The following PAX3 variants were observed in gnomAD, a reference collection of about 807,000 sequenced individuals.
PAX3 encodes paired box protein Pax-3.
A neutral mutation model predicts 51.6 loss-of-function variants in PAX3; 14 were observed. The observed-to-expected ratio is 0.27, with a 90% CI of 0.18 to 0.42. PAX3 has a LOEUF of 0.42. Ranked by LOEUF, PAX3 falls within the 10% of genes least tolerant of loss-of-function variation. The probability of loss-of-function intolerance (pLI) is 1.00; values close to 1 mark genes in which losing one functional copy is unlikely to be tolerated. For missense variants in PAX3, 540 were observed against 642.8 expected (o/e 0.84, Z 1.73); for synonymous variants, 280 against 253.4 (o/e 1.11, Z -1.00).
intron 7 of PAX3, among the ~76,000 whole-genome samples, chr2:222,203,208 C>G (rs1200378456): frequency 1.3e-5 from 2 of 150,386 alleles, no homozygotes; most frequent in East Asian, 3.9e-4. Context: ...GCTTCACCAA[C>G]TCAAGATCCC....
chr2:222,287,849 T>G (rs1198972722), intron 4 of PAX3, among the ~76,000 whole-genome samples: 1 of 151,958 alleles, frequency 6.6e-6, no homozygotes. Flanking sequence ...TGCTCAAGAG[T>G]GAACAAGAGT....
chr2:222,232,087 G>A lies in PAX3; in HGVS notation c.783C>T (p.Ala261=), dbSNP rs767590211. Residue 261 remains alanine (A), a synonymous_variant, in exon 5 of 9, where the codon GCC becomes GCT. Coordinates refer to ENST00000392070, the MANE Select transcript of PAX3 (RefSeq NM_181458.4). ...GTTTGGGCAACAGTACCTGTACTCGGGCCTCGGTGAGCTTCGCCCTCTGGG... is the reference window on the plus strand; with the variant it reads ...GTTTGGGCAACAGTACCTGTACTCGAGCCTCGGTGAGCTTCGCCCTCTGGG... ...ELAQRAKLTE[A]RVQVWFSNRR... The A allele has an allele frequency of 3.1e-6, 5 of 1,613,836 alleles. No homozygotes were observed. In the South Asian group the frequency reaches 4.4e-5, roughly 14 times the overall value.
intron 4 of PAX3, chr2:222,293,818 A>G: frequency 3.1e-6 from 5 of 1,613,896 alleles, no homozygotes; most frequent in African/African-American, 2.7e-5. Context: ...CCCCGGCCCT[A>G]CAATTGCTCA....
At chr2:222,201,892 G>C in intron 8 of PAX3, 52 bp downstream of exon 8, 2 of 1,613,666 alleles carry the variant, frequency 1.2e-6, no homozygotes, top group Non-Finnish European at 1.7e-6. Context: ...AGGAAGAGTT[G>C]AGTTTATCTC....
intron 4 of PAX3, among the ~76,000 whole-genome samples, chr2:222,270,255 C>T (rs45469792): frequency 9.7e-4 from 147 of 152,306 alleles, no homozygotes; most frequent in African/African-American, 3.2e-3. Context: ...GCTCAAGCTC[C>T]GACTAGCATC....
intron 4 of PAX3, among the ~76,000 whole-genome samples, chr2:222,280,890 A>G (rs915199389): frequency 1.3e-5 from 2 of 152,246 alleles, no homozygotes; most frequent in Admixed American, 6.5e-5. Flanking sequence ...AGTTTCTGAC[A>G]TGATGCTAAA....
chr2:222,258,947 A>G lies in PAX3; in HGVS notation c.587-26664T>C, dbSNP rs1320963350. On this transcript the variant is annotated intron_variant, in intron 4 of 8. Transcript: ENST00000392070. The stretch of plus-strand genomic sequence containing the variant: ...CTGCGGTTGACTGTGGCACTGATTT[A>G]AAACACTTTATACAAATCCCAAACC... Among the ~76,000 whole-genome samples, 7 of 152,300 alleles carry G rather than the reference A, an allele frequency of 4.6e-5. No homozygotes were observed. The East Asian group carries it at 1.3e-3, about 29-fold the overall frequency.
At position 222,284,885 on chromosome 2, in the gene PAX3, G is replaced by A. The variant is rs555672220; in HGVS notation, c.586+9282C>T. ...CTATCTTAGAGATGTCAAAACTGAAGTTCAAAAGGTCACAACTAAAATGTG... is the reference window on the plus strand; with the variant it reads ...CTATCTTAGAGATGTCAAAACTGAAATTCAAAAGGTCACAACTAAAATGTG... On this transcript the variant is annotated intron_variant, in intron 4 of 8. Coordinates refer to ENST00000392070, the MANE Select transcript of PAX3 (RefSeq NM_181458.4). Among the ~76,000 whole-genome samples the A allele has an allele frequency of 4.6e-5, 7 of 152,328 alleles. No homozygotes were observed. The South Asian group carries it at 1.5e-3, about 32-fold the overall frequency.
At chr2:222,223,948 T>C (rs6706638) in intron 5 of PAX3, among the ~76,000 whole-genome samples, 10,907 of 152,282 alleles carry the variant, frequency 0.072, 629 homozygotes, top group Admixed American at 0.18. Context: ...CTCAAGTTAC[T>C]ATTGACTCAA....
intron 4 of PAX3, among the ~76,000 whole-genome samples, chr2:222,288,730 G>C (rs1168678981): frequency 1.3e-5 from 2 of 152,104 alleles, no homozygotes; most frequent in Non-Finnish European, 2.9e-5. Context: ...ATCACGATAG[G>C]ATAATTAAAA....
At chr2:222,269,621 A>G (rs1235011754) in intron 4 of PAX3, among the ~76,000 whole-genome samples, 1 of 151,660 alleles carries the variant, frequency 6.6e-6, no homozygotes, top group African/African-American at 2.4e-5. Context: ...ATAAGGCTAA[A>G]TTCTCAAGCT....
chr2:222,239,822 C>CAAAAAAA (rs76222306), intron 4 of PAX3, among the ~76,000 whole-genome samples: 1 of 133,778 alleles, frequency 7.5e-6, no homozygotes. Context: ...TTAGCAAGTG[C>CAAAAAAA]AAAAAAAAAA....
At chr2:222,252,802 A>G (rs931184397) in intron 4 of PAX3, among the ~76,000 whole-genome samples, 3 of 152,104 alleles carry the variant, frequency 2.0e-5, no homozygotes, top group Non-Finnish European at 2.9e-5. Context: ...TATACCCCAA[A>G]ACTGAGCTAT....
intron 7 of PAX3, among the ~76,000 whole-genome samples, chr2:222,214,974 A>T (rs1691896315): frequency 6.6e-6 from 1 of 152,122 alleles, no homozygotes; most frequent in Non-Finnish European, 1.5e-5. Context: ...AAATCTGCCC[A>T]TCTGTTCTAA....
At chr2:222,221,444 A>C (rs1201864984) in intron 5 of PAX3, 57 bp from the exon 6 acceptor site, 1 of 1,499,222 alleles carries the variant, frequency 6.7e-7, no homozygotes, top group Admixed American at 1.7e-5. Context: ...GTACATTCTT[A>C]ATGAATTTTT....
chr2:222,219,692 A>G (rs1261980973), intron 7 of PAX3, among the ~76,000 whole-genome samples: 1 of 152,150 alleles, frequency 6.6e-6, no homozygotes, highest in Non-Finnish European at 1.5e-5. Context: ...TGTTTTGTCA[A>G]AGCTTTAGTG....
At chr2:222,209,247 T>C (rs1160228903) in intron 7 of PAX3, among the ~76,000 whole-genome samples, 1 of 152,190 alleles carries the variant, frequency 6.6e-6, no homozygotes, top group African/African-American at 2.4e-5. Context: ...TAAGCAAATA[T>C]TTCTGTGGCT....
intron 4 of PAX3, among the ~76,000 whole-genome samples, chr2:222,275,945 C>T (rs1694405367): frequency 3.3e-5 from 5 of 152,184 alleles, no homozygotes; most frequent in Admixed American, 2.0e-4. Flanking sequence ...GGGACAACCG[C>T]TAAGTGTGAG....
chr2:222,295,559 G>T lies in PAX3; in HGVS notation c.420C>A (p.Asp140Glu), dbSNP rs1346524816. Residue 140 changes from aspartate (D) to glutamate (E), a missense_variant, in exon 3 of 9, where the codon GAC becomes GAA. By Grantham distance (45) the Asp-to-Glu change is conservative. This residue lies in a region of PAX3 where 427 missense variants were observed against 483.6 expected (regional missense o/e 0.88). Coordinates refer to ENST00000392070, the MANE Select transcript of PAX3 (RefSeq NM_181458.4). The part of the protein sequence containing the change: ...SWEIRDKLLK[D>E]AVCDRNTVPS... ...GCACGGTGTTTCGATCACAGACCGC[G>T]TCCTTGAGTAATTTGTCTCGGATTT... The T allele has an allele frequency of 1.9e-6, 3 of 1,614,100 alleles. No individual in the cohort carries two copies. The African/African-American group carries it at 4.0e-5, about 22-fold the overall frequency.
Sources: gnomAD v4.1 joint callset for allele counts (sites outside exome capture counted in the v4.1 genomes callset) on GRCh38, gnomAD v4.1.1 for gene constraint, gnomAD v4.1.1 regional missense constraint, MANE v1.5 for transcripts, NCBI Gene and HGNC (gene_info 2026-07-23, HGNC 2026-07-21) for gene names.